Variants in ELN observed in about 807,000 individuals in gnomAD.
The protein encoded by ELN is elastin.
A neutral mutation model predicts 105.8 loss-of-function variants in ELN; 65 were observed. That is an observed-to-expected ratio of 0.61 (90% CI 0.50 to 0.75). ELN has a LOEUF of 0.75. Among genes scored for constraint, ELN ranks in the 30% least tolerant of loss-of-function variants. ELN has a pLI of 0.00. For missense variants in ELN, 882 were observed against 969.4 expected (o/e 0.91, Z 1.20); for synonymous variants, 368 against 389.2 (o/e 0.95, Z 0.64).
At chr7:74,059,163 G>A (rs1270839936) in intron 22 of ELN, among the ~76,000 whole-genome samples, 1 of 151,990 alleles carries the variant, frequency 6.6e-6, no homozygotes, top group African/African-American at 2.4e-5. Context: ...GAGCCAACGT[G>A]TCTGGCCTAC....
rs142249787 is a variant in ELN, at chr7:74,051,443, C to T, written c.800-307C>T. On this transcript the variant is annotated intron_variant, in intron 15 of 32. Coordinates refer to ENST00000252034, the MANE Select transcript of ELN (RefSeq NM_000501.4). ...CAGGGAGAGGAAGTCTTGAACATTC[C>T]TGCAGGGGACCCTCTGGCCCAGGGA... Among the ~76,000 whole-genome samples, 952 of 152,340 alleles carry T rather than the reference C, an allele frequency of 6.2e-3. 6 individuals carry two copies. The highest frequency in any genetic ancestry group is 0.014 in the Middle Eastern group (4 of 292).
chr7:74,065,628 A>G (rs1797768952), intron 29 of ELN, 66 bp from the exon 30 acceptor site: 1 of 1,577,020 alleles, frequency 6.3e-7, no homozygotes, highest in Non-Finnish European at 8.6e-7. Context: ...AAAAAAAAAA[A>G]AAAAAAGACA....
Position 74,049,665 on chromosome 7 carries a change from C to T in ELN, c.799+1109C>T, listed in dbSNP as rs114812492. On this transcript the variant is annotated intron_variant, in intron 15 of 32. Coordinates refer to ENST00000252034, the MANE Select transcript of ELN (RefSeq NM_000501.4). The stretch of plus-strand genomic sequence containing the variant: ...TCCTCCATGCATCCATTCATCCATC[C>T]ATCCATTCCTCCATGCATTCATCCT... Among the ~76,000 whole-genome samples, 636 of 151,248 alleles carry T rather than the reference C, an allele frequency of 4.2e-3. 3 individuals are homozygous for T. The highest frequency in any genetic ancestry group is 0.015 in the African/African-American group (630 of 41,222).
chr7:74,048,635 T>C, intron 15 of ELN, 79 bp downstream of exon 15: 1 of 1,574,028 alleles, frequency 6.4e-7, no homozygotes, highest in Non-Finnish European at 8.7e-7. Context: ...ACAGCCTGCC[T>C]CCAAAGTGGC....
intron 15 of ELN, among the ~76,000 whole-genome samples, 170 bp from the exon 16 acceptor site, chr7:74,051,580 G>A (rs1008781778): frequency 6.6e-6 from 1 of 152,166 alleles, no homozygotes; most frequent in South Asian, 2.1e-4. Context: ...GGAGAGTCAA[G>A]GAACAGTGGA....
At chr7:74,053,111 A>G in intron 17 of ELN, 52 bp from the exon 18 acceptor site, 1 of 1,613,812 alleles carries the variant, frequency 6.2e-7, no homozygotes, top group Non-Finnish European at 8.5e-7. Flanking sequence ...CCACCCTTCT[A>G]GCCCCTCTGA....
At chr7:74,043,825 G>T in intron 8 of ELN, 54 bp from the exon 9 acceptor site, 2 of 1,607,780 alleles carry the variant, frequency 1.2e-6, no homozygotes, top group Non-Finnish European at 8.5e-7. Flanking sequence ...GGGCTGGGGA[G>T]GGGTCCCTGG....
chr7:74,068,143 G>A (rs1330185737), intron 32 of ELN, among the ~76,000 whole-genome samples: 2 of 152,094 alleles, frequency 1.3e-5, no homozygotes, highest in East Asian at 3.9e-4. Context: ...ACTATTCCCA[G>A]GAGGGGGTAG....
In ELN at chr7:74,043,148, T is replaced by G. The variant is rs1791630348; in HGVS notation, c.407T>G (p.Val136Gly). 6.2e-7 allele frequency: 1 copy of G among 1,607,936 alleles called. No homozygotes were observed. The highest frequency in any genetic ancestry group is 8.5e-7 in the Non-Finnish European group (1 of 1,177,032). ...GAVVPQPGAG[V>G]KPGKVPGVGL... ...GTGGTTCCTCAGCCTGGAGCCGGAG[T>G]GAAGCCTGGGAAAGTGCCGGGTCAG... Residue 136 changes from valine to glycine, a missense_variant, in exon 8 of 33, where the codon GTG becomes GGG. Transcript: ENST00000252034.
intron 17 of ELN, chr7:74,052,202 A>C: frequency 1.7e-6 from 1 of 598,758 alleles, no homozygotes; most frequent in South Asian, 2.0e-5. Context: ...TGCAGAGGGG[A>C]CATGGCTCCT....
rs781963373 is a variant in ELN at position 74,063,301 on chromosome 7, T to C, written c.1859-9T>C. 1.9e-6 allele frequency: 3 copies of C among 1,559,714 alleles called. No homozygotes were observed. The highest frequency in any genetic ancestry group is 2.6e-6 in the Non-Finnish European group (3 of 1,151,994). On this transcript the variant is annotated splice_polypyrimidine_tract_variant and intron_variant, in intron 27 of 32. Coordinates refer to ENST00000252034, the MANE Select transcript of ELN (RefSeq NM_000501.4). The surrounding 1 kb of genome is among the most constrained non-coding windows in gnomAD (Gnocchi z 4.1). ...AGAGTGCCTCCCTGAACTCGGTCTGTGTTCCCAGGAGCCGGACCCGCCGCC... is the reference window on the plus strand; with the variant it reads ...AGAGTGCCTCCCTGAACTCGGTCTGCGTTCCCAGGAGCCGGACCCGCCGCC...
In ELN at chr7:74,054,713, C is replaced by T. The variant is rs782265101; in HGVS notation, c.1097-3C>T. On this transcript the variant is annotated splice_region_variant and splice_polypyrimidine_tract_variant and intron_variant, in intron 18 of 32. Coordinates refer to ENST00000252034, the MANE Select transcript of ELN (RefSeq NM_000501.4). ...GCATTTGTGTCCCTTTTGGTCTCTC[C>T]AGGGGTTGTGTCACCAGAAGCAGCT... is the stretch of plus-strand genomic sequence containing the variant. 35 of 1,614,040 alleles carry T rather than the reference C, an allele frequency of 2.2e-5. No individual in the cohort carries two copies. The highest frequency in any genetic ancestry group is 4.0e-5 in the African/African-American group (3 of 74,920).
chr7:74,043,376 C>A (rs1791706135), intron 8 of ELN: 3 of 788,520 alleles, frequency 3.8e-6, no homozygotes, highest in Admixed American at 4.1e-5. Flanking sequence ...CTCCCGGGAT[C>A]TTGGGGTAGA....
intron 29 of ELN, among the ~76,000 whole-genome samples, chr7:74,064,218 A>T (rs1797392870): frequency 6.6e-6 from 1 of 151,684 alleles, no homozygotes; most frequent in Non-Finnish European, 1.5e-5. Context: ...GATCAAGACC[A>T]TCCTGGCTAA....
intron 19 of ELN, among the ~76,000 whole-genome samples, chr7:74,055,228 C>T (rs1554678813): frequency 6.6e-6 from 1 of 152,090 alleles, no homozygotes; most frequent in African/African-American, 2.4e-5. Flanking sequence ...TTGCTTGAGG[C>T]CAGGAATTAG....
chr7:74,059,609 G>C, intron 22 of ELN: 1 of 548,664 alleles, frequency 1.8e-6, no homozygotes, highest in African/African-American at 1.9e-5. Context: ...ACTTGAACTC[G>C]GGAGGTGGTG....
chr7:74,046,346 G>A (rs1373085266), intron 11 of ELN, 129 bp downstream of exon 11: 13 of 1,346,850 alleles, frequency 9.7e-6, no homozygotes, highest in South Asian at 1.2e-5. Context: ...GCCAGGTCTT[G>A]CAGTGGCTGT....
At chr7:74,052,911 G>A in intron 17 of ELN, 1 of 559,874 alleles carries the variant, frequency 1.8e-6, no homozygotes, top group Non-Finnish European at 3.2e-6. Context: ...GAAAGAGAAA[G>A]GAAGGAAAGA....
At chr7:74,060,930 C>T (rs1014778146) in intron 25 of ELN, among the ~76,000 whole-genome samples, 171 bp from the exon 26 acceptor site, 1 of 152,150 alleles carries the variant, frequency 6.6e-6, no homozygotes, top group African/African-American at 2.4e-5. Flanking sequence ...AAGGGGCAGA[C>T]GGAAGGTGGA....
Sources: allele counts gnomAD v4.1 joint callset (sites outside exome capture counted in the v4.1 genomes callset), GRCh38; gene constraint gnomAD v4.1.1; non-coding constraint Gnocchi (gnomAD v3.1); transcripts MANE v1.5; gene names NCBI Gene and HGNC (gene_info 2026-07-23, HGNC 2026-07-21).